ARSI: variants seen among roughly 807,000 people sequenced by gnomAD.
ARSI encodes arylsulfatase I.
ARSI carries 37 observed loss-of-function variants against 42.1 expected under a neutral mutation model. The observed-to-expected ratio is 0.88, with a 90% CI of 0.68 to 1.16. ARSI has a LOEUF of 1.16. ARSI is among the 50% of genes most tolerant of loss of function. ARSI has a pLI of 0.00. For synonymous variants in ARSI, 305 were observed against 320.3 expected, an observed-to-expected ratio of 0.95 and a Z score of 0.51; for missense variants, 725 against 790.1, an observed-to-expected ratio of 0.92 and a Z score of 0.99.
Position 150,296,868 on chromosome 5 carries a change from A to C in ARSI, c.*346T>G. 11 of 177,618 alleles carry C rather than the reference A, an allele frequency of 6.2e-5. No homozygotes were observed. The highest frequency in any genetic ancestry group is 1.6e-4 in the East Asian group (1 of 6,254). The allele number at this position is 177,618 out of a possible 1,614,324, so 11.0% of individuals were successfully genotyped here. On this transcript the variant is annotated 3_prime_UTR_variant, in exon 2 of 2. Transcript: ENST00000328668. ...GCCTTAAAGGAGTTGTCAAGTGGCA[A>C]GGCCGGCCAGGAACTCCACCGTGGC... is the stretch of plus-strand genomic sequence containing the variant.
chr5:150,298,101 G>A lies in ARSI; in HGVS notation c.823C>T (p.Arg275Cys), dbSNP rs766051427. ...AMVTCMDEAV[R>C]NITWALKRYG... ...CGCTTGAGGGCCCAGGTGATGTTGC[G>A]CACAGCCTCATCCATGCAGGTCACC... The change falls in exon 2 of 2, where the codon CGC becomes TGC. Residue 275 changes from arginine to cysteine, a missense_variant. Physicochemically the swap from Arg to Cys is radical, Grantham distance 180 (BLOSUM62 -3). Coordinates refer to ENST00000328668, the MANE Select transcript of ARSI (RefSeq NM_001012301.4). The A allele has an allele frequency of 2.1e-5, 34 of 1,613,432 alleles. No individual in the cohort carries two copies. In the East Asian group the frequency reaches 2.5e-4, roughly 12 times the overall value.
chr5:150,297,495 G>C lies in ARSI; in HGVS notation c.1429C>G (p.Leu477Val). 1.2e-6 allele frequency: 2 copies of C among 1,613,852 alleles called. No homozygotes were observed. The highest frequency in any genetic ancestry group is 1.7e-6 in the Non-Finnish European group (2 of 1,179,896). Residue 477 changes from leucine (L) to valine (V), a missense_variant, in exon 2 of 2, where the codon CTG (leucine) becomes GTG (valine). Leu to Val is a conservative substitution (Grantham distance 32). Transcript: ENST00000328668. This position sits in a 1 kb window ranked among gnomAD's most constrained non-coding sequence, Gnocchi z 7.0. The stretch of plus-strand genomic sequence containing the variant: ...ACCACATCAGGCCGCTGGCCAGCCA[G>C]GTCCTCCCGTTCATAAGGGTCAGCA... ...ISADPYERED[L>V]AGQRPDVVRT...
intron 1 of ARSI, among the ~76,000 whole-genome samples, chr5:150,301,480 AG>A (rs1757918800): frequency 6.6e-6 from 1 of 152,170 alleles, no homozygotes; most frequent in South Asian, 2.1e-4. Context: ...AACCACCCTA[AG>A]GCTACACAGG....
rs148646053 is a variant in ARSI, at chr5:150,296,900, C to A, written c.*314G>T. 879 of 223,222 alleles carry A rather than the reference C, an allele frequency of 3.9e-3. 5 individuals are homozygous for A. Among genetic ancestry groups the A allele is most frequent in the African/African-American group, 0.017 (764 of 43,940 alleles). The allele number at this position is 223,222 out of a possible 1,614,324, so 13.8% of individuals were successfully genotyped here. On this transcript the variant is annotated 3_prime_UTR_variant, in exon 2 of 2. Coordinates refer to ENST00000328668, the MANE Select transcript of ARSI (RefSeq NM_001012301.4). ...CCAGGAACTCCACCGTGGCCCCAGGCTCCAGGGCCACACCAAAGAGTCACA... is the reference window on the plus strand; with the variant it reads ...CCAGGAACTCCACCGTGGCCCCAGGATCCAGGGCCACACCAAAGAGTCACA...
chr5:150,302,364 G>A lies in ARSI; in HGVS notation c.10C>T (p.Leu4Phe), dbSNP rs925876842. MHTLTGFSLVSLLS... is the reference protein window; with the variant it reads MHTFTGFSLVSLLS... ...AGGCTGACCAGGGAGAAGCCAGTGA[G>A]GGTGTGCATCGCCAAGCCGGCCCGC... Residue 4 changes from leucine to phenylalanine, a missense_variant, in exon 1 of 2, where the codon CTC (leucine) becomes TTC (phenylalanine). By Grantham distance (22) the Leu-to-Phe change is conservative. Transcript: ENST00000328668. This position sits in a 1 kb window ranked among gnomAD's most constrained non-coding sequence, Gnocchi z 6.1. The A allele has an allele frequency of 8.1e-6, 12 of 1,480,214 alleles. No homozygotes were observed. Among genetic ancestry groups the A allele is most frequent in the Non-Finnish European group, 9.8e-6 (11 of 1,118,218 alleles). The allele number at this position is 1,480,214 out of a possible 1,614,324, so 91.7% of individuals were successfully genotyped here.
rs1002973254 is a variant in ARSI at position 150,302,288 on chromosome 5, G to A, written c.86C>T (p.Ala29Val). 5 of 1,604,744 alleles carry A rather than the reference G, an allele frequency of 3.1e-6. No homozygotes were observed. The African/African-American group carries it at 4.0e-5, about 13-fold the overall frequency. ...SWDWAKPSFV[A>V]DGPGEAGEQP... The stretch of plus-strand genomic sequence containing the variant: ...CTCGCCAGCCTCCCCGGGCCCGTCG[G>A]CCACGAAGCTCGGCTTGGCCCAGTC... The change falls in exon 1 of 2, where the codon GCC (alanine) becomes GTC (valine). Residue 29 changes from alanine to valine, a missense_variant. By Grantham distance (64) the Ala-to-Val change is moderately conservative (BLOSUM62 0). Coordinates refer to ENST00000328668, the MANE Select transcript of ARSI (RefSeq NM_001012301.4). This position sits in a 1 kb window ranked among gnomAD's most constrained non-coding sequence, Gnocchi z 6.1.
chr5:150,297,174 G>A lies in ARSI; in HGVS notation c.*40C>T, dbSNP rs762139449. On this transcript the variant is annotated 3_prime_UTR_variant, in exon 2 of 2. Transcript: ENST00000328668. This position sits in a 1 kb window ranked among gnomAD's most constrained non-coding sequence, Gnocchi z 7.0. Reference sequence around the variant, plus strand: ...GAAACAGCAGGGCCAAGCCGGAGTGGGGAAGATCCTCTAAAGGACAGTTTT... The same window carrying A: ...GAAACAGCAGGGCCAAGCCGGAGTGAGGAAGATCCTCTAAAGGACAGTTTT... 5.2e-6 allele frequency: 8 copies of A among 1,527,562 alleles called. No homozygotes were observed. Among genetic ancestry groups the A allele is most frequent in the Non-Finnish European group, 6.1e-6 (7 of 1,138,512 alleles). 94.6% of individuals were successfully genotyped at this position (1,527,562 alleles called of 1,614,324 possible).
rs756348421 is a variant in ARSI at position 150,298,181 on chromosome 5, T to A, written c.743A>T (p.Tyr248Phe). ...GCCCATGGTGCGGTAGCGGTACAGG[T>A]ACTCACGAGGGGACTGCAGGGGTGT... ...VHTPLQSPRE[Y>F]LYRYRTMGNV... The change falls in exon 2 of 2, where the codon TAC becomes TTC. Residue 248 changes from tyrosine to phenylalanine, a missense_variant. Transcript: ENST00000328668. 1 of 1,613,832 alleles carries A rather than the reference T, an allele frequency of 6.2e-7. No homozygotes were observed. Among genetic ancestry groups the A allele is most frequent in the Non-Finnish European group, 8.5e-7 (1 of 1,180,014 alleles).
rs1366112049 is a variant in ARSI at position 150,298,581 on chromosome 5, T to C, written c.343A>G (p.Ile115Val). The C allele has an allele frequency of 1.2e-6, 2 of 1,612,258 alleles. No homozygotes were observed. Among genetic ancestry groups the C allele is most frequent in the African/African-American group, 1.3e-5 (1 of 74,836 alleles). Residue 115 changes from isoleucine to valine, a missense_variant, in exon 2 of 2, where the codon ATC becomes GTC. Coordinates refer to ENST00000328668, the MANE Select transcript of ARSI (RefSeq NM_001012301.4). The part of the protein sequence containing the change: ...YQIHTGLQHS[I>V]IRPQQPNCLP... The stretch of plus-strand genomic sequence containing the variant: ...CAGTTGGGCTGCTGTGGGCGGATGA[T>C]GGAATGCTGGAGTCCTGTGTGGATC...
intron 1 of ARSI, 70 bp from the exon 2 acceptor site, chr5:150,298,682 C>A (rs1327371889): frequency 7.0e-6 from 10 of 1,424,598 alleles, no homozygotes; most frequent in Non-Finnish European, 9.5e-6. Flanking sequence ...CCATCCAGTC[C>A]CCAGTACCAC....
At position 150,297,874 on chromosome 5, in the gene ARSI, C is replaced by A. The variant is rs749744846; in HGVS notation, c.1050G>T (p.Trp350Cys). 8.7e-6 allele frequency: 14 copies of A among 1,612,102 alleles called. No homozygotes were observed. The South Asian group carries it at 1.5e-4, about 18-fold the overall frequency. Residue 350 changes from tryptophan (W) to cysteine (C), a missense_variant, in exon 2 of 2, where the codon TGG becomes TGT. Physicochemically the swap from Trp to Cys is radical, Grantham distance 215. Coordinates refer to ENST00000328668, the MANE Select transcript of ARSI (RefSeq NM_001012301.4). The surrounding 1 kb of genome is among the most constrained non-coding windows in gnomAD (Gnocchi z 7.0). The stretch of plus-strand genomic sequence containing the variant: ...CTGCCAGACCCACCAGGGTCGGGTA[C>A]CAGTCAGTGATGTGCATCAGTGCCC... ...TSRALMHITD[W>C]YPTLVGLAGG...
Position 150,297,037 on chromosome 5 carries a change from C to T in ARSI, c.*177G>A. The T allele has an allele frequency of 1.7e-6, 1 of 593,728 alleles. No homozygotes were observed. The highest frequency in any genetic ancestry group is 2.8e-6 in the Non-Finnish European group (1 of 359,430). 36.8% of individuals were successfully genotyped at this position (593,728 alleles called of 1,614,324 possible). The stretch of plus-strand genomic sequence containing the variant: ...GAGGCAGGACTGAGACACAGGCATC[C>T]CAGTCTGGTTTATTCCCACCCACTC... On this transcript the variant is annotated 3_prime_UTR_variant, in exon 2 of 2. Coordinates refer to ENST00000328668, the MANE Select transcript of ARSI (RefSeq NM_001012301.4). The surrounding 1 kb of genome is among the most constrained non-coding windows in gnomAD (Gnocchi z 7.0).
Position 150,298,192 on chromosome 5 carries a change from G to A in ARSI, c.732C>T (p.Ser244=). The A allele has an allele frequency of 6.2e-7, 1 of 1,614,096 alleles. No homozygotes were observed. Among genetic ancestry groups the A allele is most frequent in the Non-Finnish European group, 8.5e-7 (1 of 1,180,046 alleles). The change falls in exon 2 of 2, where the codon TCC becomes TCT. Residue 244 remains serine (S), a synonymous_variant. Coordinates refer to ENST00000328668, the MANE Select transcript of ARSI (RefSeq NM_001012301.4). ...GGTAGCGGTACAGGTACTCACGAGGGGACTGCAGGGGTGTGTGTACTGCCT... is the reference window on the plus strand; with the variant it reads ...GGTAGCGGTACAGGTACTCACGAGGAGACTGCAGGGGTGTGTGTACTGCCT... ...AFQAVHTPLQ[S]PREYLYRYRT...
In ARSI at chr5:150,298,343, T is replaced by A; in HGVS notation, c.581A>T (p.His194Leu). ...DGPGVCGFDL[H>L]EGENVAWGLS... ...CCCCCAGGCCACATTCTCACCCTCG[T>A]GCAGGTCGAAGCCGCACACGCCTGG... The change falls in exon 2 of 2, where the codon CAC becomes CTC. Residue 194 changes from histidine (H) to leucine (L), a missense_variant. Coordinates refer to ENST00000328668, the MANE Select transcript of ARSI (RefSeq NM_001012301.4). 6.2e-7 allele frequency: 1 copy of A among 1,614,082 alleles called. No homozygotes were observed. The highest frequency in any genetic ancestry group is 8.5e-7 in the Non-Finnish European group (1 of 1,180,026).
rs1158425284 is a variant in ARSI at position 150,297,244 on chromosome 5, G to A, written c.1680C>T (p.Leu560=). The A allele has an allele frequency of 6.3e-7, 1 of 1,585,782 alleles. No homozygotes were observed. Among genetic ancestry groups the A allele is most frequent in the Admixed American group, 1.8e-5 (1 of 56,220 alleles). The part of the protein sequence containing the change: ...ICKLRSFFRK[L]NTRLMSQRI ...TCCGTTGGGACATTAGCCTGGTGTT[G>A]AGTTTACGGAAAAAGGATCGAAGCT... Residue 560 remains leucine, a synonymous_variant, in exon 2 of 2, where the codon CTC becomes CTT. Coordinates refer to ENST00000328668, the MANE Select transcript of ARSI (RefSeq NM_001012301.4). The surrounding 1 kb of genome is among the most constrained non-coding windows in gnomAD (Gnocchi z 7.0).
intron 1 of ARSI, among the ~76,000 whole-genome samples, chr5:150,301,083 T>C (rs1757912240): frequency 6.6e-6 from 1 of 152,168 alleles, no homozygotes; most frequent in Non-Finnish European, 1.5e-5. Flanking sequence ...GACCCTGAAG[T>C]TGGGCACGGG....
chr5:150,297,678 G>A lies in ARSI; in HGVS notation c.1246C>T (p.Gln416Ter), dbSNP rs1435251515. 6.2e-7 allele frequency: 1 copy of A among 1,613,450 alleles called. No individual in the cohort carries two copies. The highest frequency in any genetic ancestry group is 1.3e-5 in the African/African-American group (1 of 75,072). The change falls in exon 2 of 2, where the codon CAG becomes TAG. Residue 416 changes from glutamine (Q) to a stop codon, truncating the protein, a stop_gained. Coordinates refer to ENST00000328668, the MANE Select transcript of ARSI (RefSeq NM_001012301.4). LOFTEE classifies it high-confidence loss of function. The surrounding 1 kb of genome is among the most constrained non-coding windows in gnomAD (Gnocchi z 7.0). ...CACTCACCCACGCGGATGGCAGCCT[G>A]CACGGCGGTGTTCCAGATGCCAAAG... ...GGFGIWNTAV[Q>*]AAIRVGEWKL...
chr5:150,300,505 G>A (rs1757901163), intron 1 of ARSI, among the ~76,000 whole-genome samples: 1 of 152,230 alleles, frequency 6.6e-6, no homozygotes, highest in African/African-American at 2.4e-5. Context: ...CTTCATAGAG[G>A]TGGGGTGCTG....
chr5:150,298,444 G>C lies in ARSI; in HGVS notation c.480C>G (p.Thr160=). The change falls in exon 2 of 2, where the codon ACC becomes ACG. Residue 160 remains threonine (T), a synonymous_variant. Transcript: ENST00000328668. ...LGFYRKECLP[T]RRGFDTFLGS... is the part of the protein sequence containing the mutation. Reference sequence around the variant, plus strand: ...CCAGGAAGGTGTCGAAGCCCCGACGGGTGGGCAGACACTCCTTCCGGTAGA... The same window carrying C: ...CCAGGAAGGTGTCGAAGCCCCGACGCGTGGGCAGACACTCCTTCCGGTAGA... The C allele has an allele frequency of 6.2e-7, 1 of 1,614,208 alleles. No homozygotes were observed. Among genetic ancestry groups the C allele is most frequent in the East Asian group, 2.2e-5 (1 of 44,886 alleles).
Sources: allele counts gnomAD v4.1 joint callset (sites outside exome capture counted in the v4.1 genomes callset), GRCh38; gene constraint gnomAD v4.1.1; non-coding constraint Gnocchi (gnomAD v3.1); transcripts MANE v1.5; gene names NCBI Gene and HGNC (gene_info 2026-07-23, HGNC 2026-07-21).